Variants in NRXN1 observed in about 807,000 individuals in gnomAD.
The protein encoded by NRXN1 is neurexin 1.
NRXN1 carries 39 observed loss-of-function variants against 150.9 expected under a neutral mutation model. The ratio of observed to expected loss-of-function variants is 0.26; its 90% CI spans 0.20 to 0.34. The LOEUF is 0.34. NRXN1 is among the 10% of genes least tolerant of loss of function. The pLI is 1.00. For synonymous variants in NRXN1, 924 were observed against 757.0 expected (o/e 1.22, Z -3.62); for missense variants, 1,815 against 1,949.9 (o/e 0.93, Z 1.30).
At chr2:50,379,356 G>A (rs1478317556) in intron 17 of NRXN1, among the ~76,000 whole-genome samples, 1 of 152,072 alleles carries the variant, frequency 6.6e-6, no homozygotes, top group Non-Finnish European at 1.5e-5. Context: ...AAAAGGGGAT[G>A]GAAATGAACA....
chr2:50,590,300 A>T (rs1334967548), intron 8 of NRXN1, among the ~76,000 whole-genome samples: 1 of 152,076 alleles, frequency 6.6e-6, no homozygotes, highest in Non-Finnish European at 1.5e-5. Context: ...GTGCTTGTAC[A>T]ATATATATAT....
intron 18 of NRXN1, among the ~76,000 whole-genome samples, chr2:50,093,735 C>T (rs992108055): frequency 6.6e-6 from 1 of 152,158 alleles, no homozygotes; most frequent in African/African-American, 2.4e-5. Context: ...TAAATACTAA[C>T]TCTGGTATTC....
chr2:50,688,979 G>A (rs1574107157), intron 5 of NRXN1, among the ~76,000 whole-genome samples: 1 of 152,166 alleles, frequency 6.6e-6, no homozygotes, highest in Non-Finnish European at 1.5e-5. Context: ...CCAATCTGGA[G>A]ACTTATAAAA....
intron 18 of NRXN1, among the ~76,000 whole-genome samples, chr2:50,136,213 T>C (rs537974833): frequency 6.6e-6 from 1 of 152,222 alleles, no homozygotes; most frequent in Non-Finnish European, 1.5e-5. Flanking sequence ...TATTCATTTT[T>C]TTTCAGGAAG....
chr2:50,449,817 T>C (rs1459003809), intron 17 of NRXN1, among the ~76,000 whole-genome samples: 5 of 152,176 alleles, frequency 3.3e-5, no homozygotes, highest in South Asian at 2.1e-4. Context: ...CTACCAATTA[T>C]ATAATTCCTA....
rs543151713 is a variant in NRXN1 at position 50,582,397 on chromosome 2, C to T, written c.1321-29372G>A. Among the ~76,000 whole-genome samples the T allele has an allele frequency of 2.6e-3, 354 of 138,206 alleles. 1 individual carries two copies. Among genetic ancestry groups the T allele is most frequent in the Non-Finnish European group, 3.7e-3 (246 of 66,178 alleles). The allele number at this position is 138,206 out of a possible 152,430, so 90.7% of individuals were successfully genotyped here. The stretch of plus-strand genomic sequence containing the variant: ...TTGGCAGGCTGATGTGGGAGGTTCG[C>T]TTGAGCCAGGGAGGCAGAGGTTGCA... On this transcript the variant is annotated intron_variant, in intron 8 of 22. Coordinates refer to ENST00000401669, the MANE Select transcript of NRXN1 (RefSeq NM_001330078.2).
intron 17 of NRXN1, among the ~76,000 whole-genome samples, chr2:50,433,540 T>C (rs1409408214): frequency 6.6e-6 from 1 of 151,466 alleles, no homozygotes; most frequent in African/African-American, 2.4e-5. Flanking sequence ...CTAACATTGA[T>C]AGGTAGCTAG....
chr2:50,898,681 AAATT>A (rs147883364), intron 5 of NRXN1: 15,432 of 403,140 alleles, frequency 0.038, 490 homozygotes, highest in East Asian at 0.075. Flanking sequence ...TTTTCCTATG[AAATT>A]AATTGCTTAA....
intron 17 of NRXN1, among the ~76,000 whole-genome samples, chr2:50,454,972 C>T (rs917972136): frequency 7.9e-5 from 12 of 151,906 alleles, no homozygotes; most frequent in East Asian, 5.8e-4. Context: ...TTAGGCAGAG[C>T]GGAAGGAGGG....
chr2:50,213,536 C>T (rs1054374929), intron 18 of NRXN1, among the ~76,000 whole-genome samples: 5 of 151,774 alleles, frequency 3.3e-5, no homozygotes, highest in African/African-American at 9.7e-5. Context: ...CTGGAAGTTT[C>T]GTTAGTCCAG....
chr2:50,545,870 C>A (rs774420645), intron 9 of NRXN1, among the ~76,000 whole-genome samples: 6 of 152,070 alleles, frequency 3.9e-5, no homozygotes, highest in Non-Finnish European at 8.8e-5. Context: ...CTATGCACAT[C>A]CTCCCATGTA....
intron 17 of NRXN1, among the ~76,000 whole-genome samples, chr2:50,406,922 T>G (rs1453061719): frequency 6.6e-6 from 1 of 152,106 alleles, no homozygotes; most frequent in Non-Finnish European, 1.5e-5. Flanking sequence ...TTTGCATTGA[T>G]TGATCATCCT....
intron 18 of NRXN1, among the ~76,000 whole-genome samples, chr2:50,136,643 C>A (rs1034022881): frequency 1.3e-5 from 2 of 152,060 alleles, no homozygotes; most frequent in Non-Finnish European, 2.9e-5. Context: ...TTTGCTGCAA[C>A]TTTAAGGCAA....
rs1375063560 is a variant in NRXN1 at position 50,894,529 on chromosome 2, T to C, written c.832+27340A>G. Among the ~76,000 whole-genome samples the C allele has an allele frequency of 2.0e-5, 3 of 152,124 alleles. No individual in the cohort carries two copies. In the East Asian group the frequency reaches 5.8e-4, roughly 29 times the overall value. ...CAGAACACTTAATTAATATATTCTA[T>C]ACACAAAGAAATAGTTGAAATTATA... is the stretch of plus-strand genomic sequence containing the variant. On this transcript the variant is annotated intron_variant, in intron 5 of 22. Coordinates refer to ENST00000401669, the MANE Select transcript of NRXN1 (RefSeq NM_001330078.2).
At chr2:50,843,972 T>C (rs986230703) in intron 5 of NRXN1, among the ~76,000 whole-genome samples, 1 of 152,102 alleles carries the variant, frequency 6.6e-6, no homozygotes, top group Non-Finnish European at 1.5e-5. Flanking sequence ...TTTATTCTGA[T>C]TCTGCCTTTA....
chr2:50,138,638 C>G (rs575237712), intron 18 of NRXN1, among the ~76,000 whole-genome samples: 1 of 152,216 alleles, frequency 6.6e-6, no homozygotes, highest in Non-Finnish European at 1.5e-5. Context: ...CTTCTCACAT[C>G]TATTACTTAT....
intron 5 of NRXN1, among the ~76,000 whole-genome samples, chr2:50,643,379 G>C (rs1684341383): frequency 6.6e-6 from 1 of 151,950 alleles, no homozygotes; most frequent in Non-Finnish European, 1.5e-5. Context: ...CCTGGCCTCA[G>C]ATATCATTCT....
rs201072369 is a variant in NRXN1, at chr2:50,091,504, A to C, written c.3547-10T>G. 1.7e-5 allele frequency: 28 copies of C among 1,613,792 alleles called. No individual in the cohort carries two copies. The African/African-American group carries it at 3.3e-4, about 19-fold the overall frequency. The stretch of plus-strand genomic sequence containing the variant: ...CAATTTTTCCCTGGTGCTGTAAGAG[A>C]GGAGGGGAAAAAAGAGTTGAATTAA... On this transcript the variant is annotated splice_polypyrimidine_tract_variant and intron_variant, in intron 18 of 22. Coordinates refer to ENST00000401669, the MANE Select transcript of NRXN1 (RefSeq NM_001330078.2).
intron 12 of NRXN1, among the ~76,000 whole-genome samples, chr2:50,512,890 T>C (rs1203165957): frequency 1.3e-5 from 2 of 152,124 alleles, no homozygotes; most frequent in African/African-American, 2.4e-5. Context: ...ATGAAACGGG[T>C]GTGTTTTTTC....
Sources: gnomAD v4.1 joint callset for allele counts (sites outside exome capture counted in the v4.1 genomes callset) on GRCh38, gnomAD v4.1.1 for gene constraint, MANE v1.5 for transcripts, NCBI Gene and HGNC (gene_info 2026-07-23, HGNC 2026-07-21) for gene names.